Variants in CYP2J2 observed in about 807,000 individuals in gnomAD.
CYP2J2 encodes cytochrome P450 2J2.
CYP2J2 carries 41 observed loss-of-function variants against 48.8 expected under a neutral mutation model. That is an observed-to-expected ratio of 0.84 (90% CI 0.66 to 1.09). The LOEUF is 1.09. Ranked by LOEUF, CYP2J2 falls within the 50% of genes least tolerant of loss-of-function variation. The pLI, the probability that CYP2J2 is intolerant of heterozygous loss-of-function variation, is 0.00. For synonymous variants in CYP2J2, 221 were observed against 227.1 expected (o/e 0.97, Z 0.24); for missense variants, 644 against 617.3 (o/e 1.04, Z -0.46).
the CYP2J2 span, among the ~76,000 whole-genome samples, chr1:59,965,586 T>C: frequency 6.6e-6 from 1 of 152,176 alleles, no homozygotes; most frequent in Non-Finnish European, 1.5e-5. Flanking sequence ...GGATGAACGC[T>C]CAGTGGATTG....
chr1:59,895,030 A>G (rs1644256714), intron 8 of CYP2J2, among the ~76,000 whole-genome samples: 1 of 152,246 alleles, frequency 6.6e-6, no homozygotes, highest in Non-Finnish European at 1.5e-5. Flanking sequence ...AATTGTCTAC[A>G]TTACCCATGA....
chr1:59,899,610 T>C (rs182771015), intron 8 of CYP2J2, among the ~76,000 whole-genome samples: 66 of 152,332 alleles, frequency 4.3e-4, no homozygotes, highest in African/African-American at 1.4e-3. Context: ...TTATTTTCAG[T>C]AGATAGTGTT....
At chr1:59,968,682 A>T in the CYP2J2 span, among the ~76,000 whole-genome samples, 1 of 152,198 alleles carries the variant, frequency 6.6e-6, no homozygotes, top group Non-Finnish European at 1.5e-5. Flanking sequence ...GGAGGGGTGG[A>T]CATGTGTAAA....
the CYP2J2 span, among the ~76,000 whole-genome samples, chr1:59,955,232 G>A: frequency 1.5e-5 from 2 of 134,714 alleles, no homozygotes; most frequent in African/African-American, 2.7e-5. Context: ...ATATGTATAC[G>A]AATAAGGATA....
At chr1:59,896,173 TG>T (rs1644267059) in intron 8 of CYP2J2, among the ~76,000 whole-genome samples, 1 of 152,270 alleles carries the variant, frequency 6.6e-6, no homozygotes, top group African/African-American at 2.4e-5. Flanking sequence ...AATCAAGATC[TG>T]GGCATTAGGC....
chr1:59,955,127 A>T, the CYP2J2 span, among the ~76,000 whole-genome samples: 1 of 149,848 alleles, frequency 6.7e-6, no homozygotes, highest in Non-Finnish European at 1.5e-5. Flanking sequence ...ATAGAGTGAG[A>T]CCATCTCCAA....
chr1:59,966,860 G>A, the CYP2J2 span, among the ~76,000 whole-genome samples: 1 of 152,110 alleles, frequency 6.6e-6, no homozygotes, highest in East Asian at 1.9e-4. Flanking sequence ...GAACACATTT[G>A]ACTGAATTTG....
the CYP2J2 span, among the ~76,000 whole-genome samples, chr1:59,954,408 A>G: frequency 6.6e-6 from 1 of 152,308 alleles, no homozygotes; most frequent in African/African-American, 2.4e-5. Flanking sequence ...GCAAAGATAT[A>G]ACATTGAACA....
At chr1:59,922,960 T>G (rs536031360) in intron 1 of CYP2J2, among the ~76,000 whole-genome samples, 24 of 152,340 alleles carry the variant, frequency 1.6e-4, no homozygotes, top group South Asian at 2.1e-4. Context: ...CCTTCTCTGC[T>G]GAGTCTGTGA....
In CYP2J2 at chr1:59,909,816, A is replaced by T. The variant is rs866946075; in HGVS notation, c.829T>A (p.Phe277Ile). Residue 277 changes from phenylalanine to isoleucine, a missense_variant, in exon 5 of 9, where the codon TTT becomes ATT. Coordinates refer to ENST00000371204, the MANE Select transcript of CYP2J2 (RefSeq NM_000775.4). Reference protein sequence around the residue: ...KDWNPAETRDFIDAYLKEMSK... With the variant: ...KDWNPAETRDIIDAYLKEMSK... ...ATTTCTTTAAGGTAAGCATCAATAA[A>T]GTCTCTTGTTTCTGCAGGATTCCAA... 7 of 1,597,230 alleles carry T rather than the reference A, an allele frequency of 4.4e-6. No homozygotes were observed. In the East Asian group the frequency reaches 1.6e-4, roughly 36 times the overall value.
At chr1:59,962,081 T>A in the CYP2J2 span, among the ~76,000 whole-genome samples, 4 of 152,036 alleles carry the variant, frequency 2.6e-5, no homozygotes, top group African/African-American at 9.7e-5. Context: ...ACCAAAAACA[T>A]TTAATTGTAT....
chr1:59,908,017 A>C, intron 5 of CYP2J2, 90 bp from the exon 6 acceptor site: 1 of 1,326,522 alleles, frequency 7.5e-7, no homozygotes, highest in Non-Finnish European at 1.1e-6. Flanking sequence ...CTAGGAGGAC[A>C]TTTGGAAGAA....
the CYP2J2 span, among the ~76,000 whole-genome samples, chr1:59,938,480 G>A: frequency 1.3e-5 from 2 of 152,238 alleles, no homozygotes; most frequent in Non-Finnish European, 2.9e-5. Flanking sequence ...GGATGTGCAC[G>A]TAGGCCAGAT....
chr1:59,913,553 A>G (rs1225516848), intron 2 of CYP2J2, among the ~76,000 whole-genome samples: 2 of 152,082 alleles, frequency 1.3e-5, no homozygotes, highest in African/African-American at 4.8e-5. Context: ...TCTTTCCATC[A>G]TCTACCCATT....
At chr1:59,916,394 A>G (rs921300534) in intron 1 of CYP2J2, among the ~76,000 whole-genome samples, 2 of 152,240 alleles carry the variant, frequency 1.3e-5, no homozygotes, top group African/African-American at 4.8e-5. Flanking sequence ...GTGAGCATCT[A>G]TCATGTGTCC....
intron 2 of CYP2J2, 77 bp from the exon 3 acceptor site, chr1:59,912,388 A>G (rs1644425941): frequency 6.8e-7 from 1 of 1,474,808 alleles, no homozygotes; most frequent in Non-Finnish European, 9.2e-7. Context: ...GGGAATGTGT[A>G]TCAGATGAAG....
chr1:59,943,769 G>T, the CYP2J2 span, among the ~76,000 whole-genome samples: 1 of 152,096 alleles, frequency 6.6e-6, no homozygotes, highest in Admixed American at 6.5e-5. Context: ...TCTTCAAAAA[G>T]AAGGGATTGG....
At position 59,915,970 on chromosome 1, in the gene CYP2J2, G is replaced by C; in HGVS notation, c.341C>G (p.Thr114Ser). 1 of 1,613,952 alleles carries C rather than the reference G, an allele frequency of 6.2e-7. No homozygotes were observed. Among genetic ancestry groups the C allele is most frequent in the Non-Finnish European group, 8.5e-7 (1 of 1,179,898 alleles). Reference protein sequence around the residue: ...MDQNFGNRPVTPMREHIFKKN... With the variant: ...MDQNFGNRPVSPMREHIFKKN... ...CTTAAAGATATGTTCTCGCATAGGG[G>C]TCACGGGGCGGTTCCCAAAGTTTTG... Residue 114 changes from threonine (T) to serine (S), a missense_variant, in exon 2 of 9, where the codon ACC becomes AGC. Physicochemically the swap from Thr to Ser is moderately conservative, Grantham distance 58. Coordinates refer to ENST00000371204, the MANE Select transcript of CYP2J2 (RefSeq NM_000775.4).
the CYP2J2 span, among the ~76,000 whole-genome samples, chr1:59,950,221 G>A: frequency 6.6e-6 from 1 of 152,170 alleles, no homozygotes. Flanking sequence ...AGGATATTTG[G>A]TAGGTATGAC....
Sources: allele counts gnomAD v4.1 joint callset (sites outside exome capture counted in the v4.1 genomes callset), GRCh38; gene constraint gnomAD v4.1.1; transcripts MANE v1.5; gene names NCBI Gene and HGNC (gene_info 2026-07-23, HGNC 2026-07-21).